The following KCNQ1OT1 variants were observed in gnomAD, a reference collection of about 807,000 sequenced individuals.
The protein encoded by KCNQ1OT1 is KCNQ1 antisense RNA 2 (non-protein coding).
chr11:2,663,889 G>A lies in KCNQ1OT1; in HGVS notation n.36106C>T. Reference sequence around the variant, plus strand: ...CCCACCTGCCCAAGGGTGACCCCAAGCCAGTGTGGCTGTGTCATCTAGGAC... The same window carrying A: ...CCCACCTGCCCAAGGGTGACCCCAAACCAGTGTGGCTGTGTCATCTAGGAC... On this transcript the variant is annotated non_coding_transcript_exon_variant, in exon 1 of 1. Transcript: ENST00000597346. This position sits in a 1 kb window ranked among gnomAD's most constrained non-coding sequence, Gnocchi z 5.2. The A allele has an allele frequency of 2.5e-6, 1 of 398,718 alleles. No homozygotes were observed. The highest frequency in any genetic ancestry group is 4.4e-6 in the Non-Finnish European group (1 of 226,116). 24.7% of individuals were successfully genotyped at this position (398,718 alleles called of 1,614,324 possible).
chr11:2,669,920 T>C lies in KCNQ1OT1; in HGVS notation n.30075A>G. On this transcript the variant is annotated non_coding_transcript_exon_variant, in exon 1 of 1. Transcript: ENST00000597346. This position sits in a 1 kb window ranked among gnomAD's most constrained non-coding sequence, Gnocchi z 5.6. ...GCCTAGAGGCCTGAGAGTCCCAAGC[T>C]CCAGGACAGTCTGGAGTCAGGTGGA... 2.5e-6 allele frequency: 1 copy of C among 398,508 alleles called. No individual in the cohort carries two copies. The highest frequency in any genetic ancestry group is 4.4e-6 in the Non-Finnish European group (1 of 226,086). The allele number at this position is 398,508 out of a possible 1,614,324, so 24.7% of individuals were successfully genotyped here.
exon 1 of KCNQ1OT1, chr11:2,640,257 A>G (rs1327985889): frequency 7.6e-6 from 3 of 396,706 alleles, no homozygotes; most frequent in Non-Finnish European, 8.9e-6. Flanking sequence ...TGAACCCACT[A>G]CCTCAGTTGG....
chr11:2,652,083 C>T lies in KCNQ1OT1; in HGVS notation n.47912G>A, dbSNP rs146924322. 25 of 398,704 alleles carry T rather than the reference C, an allele frequency of 6.3e-5. No homozygotes were observed. The highest frequency in any genetic ancestry group is 4.7e-4 in the African/African-American group (23 of 48,764). 24.7% of individuals were successfully genotyped at this position (398,704 alleles called of 1,614,324 possible). A position where few individuals can be genotyped will look rare whatever the true frequency, so the allele number is the denominator to read the frequency against. On this transcript the variant is annotated non_coding_transcript_exon_variant, in exon 1 of 1. Transcript: ENST00000597346. This position sits in a 1 kb window ranked among gnomAD's most constrained non-coding sequence, Gnocchi z 5.9. ...CTCCAATTTGAGAAGCTATGGGGAGCCTCTCGGCCCCAGTTCTGGCCTGGC... is the reference window on the plus strand; with the variant it reads ...CTCCAATTTGAGAAGCTATGGGGAGTCTCTCGGCCCCAGTTCTGGCCTGGC...
At chr11:2,693,081 T>A in exon 1 of KCNQ1OT1, 1 of 398,674 alleles carries the variant, frequency 2.5e-6, no homozygotes, top group East Asian at 3.6e-5. Context: ...TAGAGGGGAA[T>A]GGCTCCTTAC....
chr11:2,686,667 G>A (rs1250409323), exon 1 of KCNQ1OT1: 5 of 398,488 alleles, frequency 1.3e-5, no homozygotes, highest in African/African-American at 8.2e-5. Context: ...TGGATCAAGT[G>A]TGGGTCCCAG....
chr11:2,643,606 C>T, exon 1 of KCNQ1OT1: 1 of 398,408 alleles, frequency 2.5e-6, no homozygotes, highest in Non-Finnish European at 4.4e-6. Flanking sequence ...GTCCATTCAG[C>T]CAGTCTGTCT....
At chr11:2,655,686 C>T in exon 1 of KCNQ1OT1, 1 of 139,398 alleles carries the variant, frequency 7.2e-6, no homozygotes, top group Non-Finnish European at 1.5e-5. Flanking sequence ...CACCCACCCA[C>T]CCCCAGCTCC....
At chr11:2,609,769 G>A (rs1021053104) in exon 1 of KCNQ1OT1, 1 of 398,000 alleles carries the variant, frequency 2.5e-6, no homozygotes, top group Admixed American at 4.4e-5. Flanking sequence ...ATCATTATGA[G>A]ATATTCATAT....
rs187632288 is a variant in KCNQ1OT1 at position 2,634,291 on chromosome 11, G to A, written n.65704C>T. Reference sequence around the variant, plus strand: ...CTGATTACCTTGTCATTTACCTTAGGTATATCTCCTAATGCTTTCCCTCCC... The same window carrying A: ...CTGATTACCTTGTCATTTACCTTAGATATATCTCCTAATGCTTTCCCTCCC... On this transcript the variant is annotated non_coding_transcript_exon_variant, in exon 1 of 1. Coordinates refer to ENST00000597346, the Ensembl canonical transcript of KCNQ1OT1. 531 of 332,370 alleles carry A rather than the reference G, an allele frequency of 1.6e-3. 6 individuals carry two copies. The highest frequency in any genetic ancestry group is 9.2e-3 in the African/African-American group (427 of 46,560). The allele number at this position is 332,370 out of a possible 1,614,324, so 20.6% of individuals were successfully genotyped here. A position where few individuals can be genotyped will look rare whatever the true frequency, so the allele number is the denominator to read the frequency against.
Position 2,620,204 on chromosome 11 carries a change from T to TAC in KCNQ1OT1, n.79790_79791insGT, listed in dbSNP as rs1849143109. 3.2e-6 allele frequency: 1 copy of TAC among 312,262 alleles called. No individual in the cohort carries two copies. Among genetic ancestry groups the TAC allele is most frequent in the Admixed American group, 5.2e-5 (1 of 19,260 alleles). The allele number at this position is 312,262 out of a possible 1,614,324, so 19.3% of individuals were successfully genotyped here. A position where few individuals can be genotyped will look rare whatever the true frequency, so the allele number is the denominator to read the frequency against. On this transcript the variant is annotated non_coding_transcript_exon_variant, in exon 1 of 1. Coordinates refer to ENST00000597346, the Ensembl canonical transcript of KCNQ1OT1. This position sits in a 1 kb window ranked among gnomAD's most constrained non-coding sequence, Gnocchi z 4.5. The stretch of plus-strand genomic sequence containing the variant: ...AAGGACGTAAGTTCATTCATGTATA[T>TAC]ATATATATTTTTTTTTTTTATTTTT...
At chr11:2,686,101 TG>T in exon 1 of KCNQ1OT1, 1 of 398,888 alleles carries the variant, frequency 2.5e-6, no homozygotes, top group Non-Finnish European at 4.4e-6. Flanking sequence ...CCTGAGTTGA[TG>T]GCAAAGTGTA....
Position 2,624,472 on chromosome 11 carries a change from T to C in KCNQ1OT1, n.75523A>G, listed in dbSNP as rs1278579153. 2.5e-6 allele frequency: 1 copy of C among 398,400 alleles called. No homozygotes were observed. The highest frequency in any genetic ancestry group is 3.6e-5 in the East Asian group (1 of 28,056). 24.7% of individuals were successfully genotyped at this position (398,400 alleles called of 1,614,324 possible). A position where few individuals can be genotyped will look rare whatever the true frequency, so the allele number is the denominator to read the frequency against. On this transcript the variant is annotated non_coding_transcript_exon_variant, in exon 1 of 1. Transcript: ENST00000597346. The surrounding 1 kb of genome is among the most constrained non-coding windows in gnomAD (Gnocchi z 4.9). ...TTCATGAATCATGCCTTTGGTGTCA[T>C]ATCTAAAAAGCCATCACCAAACTAA...
chr11:2,659,109 A>G lies in KCNQ1OT1; in HGVS notation n.40886T>C, dbSNP rs932770053. The G allele has an allele frequency of 2.5e-6, 1 of 398,476 alleles. No homozygotes were observed. Among genetic ancestry groups the G allele is most frequent in the Non-Finnish European group, 4.4e-6 (1 of 226,042 alleles). The allele number at this position is 398,476 out of a possible 1,614,324, so 24.7% of individuals were successfully genotyped here. On this transcript the variant is annotated non_coding_transcript_exon_variant, in exon 1 of 1. Coordinates refer to ENST00000597346, the Ensembl canonical transcript of KCNQ1OT1. The surrounding 1 kb of genome is among the most constrained non-coding windows in gnomAD (Gnocchi z 4.3). Reference sequence around the variant, plus strand: ...CGTAGGGTCCTCCAACATCCGGGTTAATTTTTTAAATTTGCATACAGTAAA... The same window carrying G: ...CGTAGGGTCCTCCAACATCCGGGTTGATTTTTTAAATTTGCATACAGTAAA...
At position 2,663,462 on chromosome 11, in the gene KCNQ1OT1, T is replaced by C; in HGVS notation, n.36533A>G. ...GATGGACCTCCAAAGTGATCAGTGT[T>C]AGTTTAGTGGCTCATGTTGTGTGCA... On this transcript the variant is annotated non_coding_transcript_exon_variant, in exon 1 of 1. Transcript: ENST00000597346. This position sits in a 1 kb window ranked among gnomAD's most constrained non-coding sequence, Gnocchi z 5.2. 2 of 398,738 alleles carry C rather than the reference T, an allele frequency of 5.0e-6. No individual in the cohort carries two copies. Among genetic ancestry groups the C allele is most frequent in the Non-Finnish European group, 8.8e-6 (2 of 226,142 alleles). 24.7% of individuals were successfully genotyped at this position (398,738 alleles called of 1,614,324 possible). A position where few individuals can be genotyped will look rare whatever the true frequency, so the allele number is the denominator to read the frequency against.
Position 2,671,747 on chromosome 11 carries a change from A to G in KCNQ1OT1, n.28248T>C. The G allele has an allele frequency of 2.5e-6, 1 of 398,700 alleles. No individual in the cohort carries two copies. Among genetic ancestry groups the G allele is most frequent in the Non-Finnish European group, 4.4e-6 (1 of 226,108 alleles). 24.7% of individuals were successfully genotyped at this position (398,700 alleles called of 1,614,324 possible). A position where few individuals can be genotyped will look rare whatever the true frequency, so the allele number is the denominator to read the frequency against. On this transcript the variant is annotated non_coding_transcript_exon_variant, in exon 1 of 1. Transcript: ENST00000597346. The surrounding 1 kb of genome is among the most constrained non-coding windows in gnomAD (Gnocchi z 4.7). ...AAGGCTTTTCAGAGAACAAGGAGCT[A>G]CATACACATACATGCATGCACATAA...
In KCNQ1OT1 at chr11:2,620,734, G is replaced by A; in HGVS notation, n.79261C>T. ...AATGGGATTGCTGGGTCAGATGGTA[G>A]TTCTGTTTTCAGTTATTTGAGAAAA... On this transcript the variant is annotated non_coding_transcript_exon_variant, in exon 1 of 1. Coordinates refer to ENST00000597346, the Ensembl canonical transcript of KCNQ1OT1. This position sits in a 1 kb window ranked among gnomAD's most constrained non-coding sequence, Gnocchi z 4.5. The A allele has an allele frequency of 2.5e-6, 1 of 398,566 alleles. No homozygotes were observed. 24.7% of individuals were successfully genotyped at this position (398,566 alleles called of 1,614,324 possible). A position where few individuals can be genotyped will look rare whatever the true frequency, so the allele number is the denominator to read the frequency against.
exon 1 of KCNQ1OT1, chr11:2,692,781 G>C: frequency 2.5e-6 from 1 of 398,638 alleles, no homozygotes. Context: ...CTGAGTGTTT[G>C]ACAAATATTT....
rs889504289 is a variant in KCNQ1OT1, at chr11:2,610,504, G to C, written n.89491C>G. On this transcript the variant is annotated non_coding_transcript_exon_variant, in exon 1 of 1. Coordinates refer to ENST00000597346, the Ensembl canonical transcript of KCNQ1OT1. ...CAACTGGTGGTATTTCCTTACTCTA[G>C]AACAGCTTTGCTCCTATTTACCTCC... The C allele has an allele frequency of 3.8e-5, 15 of 398,246 alleles. No individual in the cohort carries two copies. In the South Asian group the frequency reaches 6.4e-4, roughly 17 times the overall value. 24.7% of individuals were successfully genotyped at this position (398,246 alleles called of 1,614,324 possible). A position where few individuals can be genotyped will look rare whatever the true frequency, so the allele number is the denominator to read the frequency against.
exon 1 of KCNQ1OT1, chr11:2,672,606 G>A (rs1850206464): frequency 2.5e-6 from 1 of 398,594 alleles, no homozygotes; most frequent in Non-Finnish European, 4.4e-6. Context: ...CATCCCTGTA[G>A]GTGTCAGGTG....
Sources: allele counts gnomAD v4.1 joint callset, GRCh38; gene constraint gnomAD v4.1.1; non-coding constraint Gnocchi (gnomAD v3.1); transcripts MANE v1.5; gene names NCBI Gene and HGNC (gene_info 2026-07-23, HGNC 2026-07-21).